CACNA1E: variants seen among roughly 807,000 people sequenced by gnomAD.
CACNA1E encodes calcium voltage-gated channel subunit alpha1 E.
In CACNA1E, 40 loss-of-function variants were observed where a neutral mutation model predicts 259.2. The ratio of observed to expected loss-of-function variants is 0.15; its 90% CI spans 0.12 to 0.20. The LOEUF (loss-of-function observed/expected upper bound fraction) is 0.20. CACNA1E is among the 10% of genes least tolerant of loss of function. The pLI is 1.00. For missense variants in CACNA1E, 1,874 were observed against 3,040.1 expected (o/e 0.62, Z 9.02); for synonymous variants, 1,104 against 1,138.5 (o/e 0.97, Z 0.61).
rs774338072 is a variant in CACNA1E at position 181,776,110 on chromosome 1, C to T, written c.5149C>T (p.Leu1717=). Residue 1717 remains leucine (L), a synonymous_variant, in exon 38 of 48, where the codon CTG becomes TTG. Coordinates refer to ENST00000367573, the MANE Select transcript of CACNA1E (RefSeq NM_001205293.3). The surrounding 1 kb of genome is among the most constrained non-coding windows in gnomAD (Gnocchi z 4.4). ...IFFCSFLMLN[L]FVAVIMDNFE... is the part of the protein sequence containing the mutation. ...TCCCCTTGCCCTTCAGATGCTCAAC[C>T]TGTTTGTGGCCGTCATCATGGACAA... The T allele has an allele frequency of 3.1e-6, 5 of 1,613,474 alleles. No homozygotes were observed. The South Asian group carries it at 4.4e-5, about 14-fold the overall frequency.
At chr1:181,757,768 C>T (rs1658213103) in intron 30 of CACNA1E, among the ~76,000 whole-genome samples, 179 bp from the exon 31 acceptor site, 1 of 152,146 alleles carries the variant, frequency 6.6e-6, no homozygotes, top group Non-Finnish European at 1.5e-5. Flanking sequence ...GTTTTGTGTA[C>T]TCCTTTAAGG....
chr1:181,499,389 T>G (rs1158199316), intron 1 of CACNA1E, among the ~76,000 whole-genome samples: 1 of 152,264 alleles, frequency 6.6e-6, no homozygotes, highest in African/African-American at 2.4e-5. Flanking sequence ...TTTATTTGAT[T>G]ATTCTGATAA....
At chr1:181,674,248 C>T (rs1649127584) in intron 7 of CACNA1E, among the ~76,000 whole-genome samples, 1 of 149,760 alleles carries the variant, frequency 6.7e-6, no homozygotes, top group South Asian at 2.1e-4. Context: ...AAAAAATTAG[C>T]CAGGCATGGC....
intron 1 of CACNA1E, among the ~76,000 whole-genome samples, chr1:181,325,070 C>A (rs185291911): frequency 2.0e-5 from 3 of 152,162 alleles, no homozygotes; most frequent in African/African-American, 7.2e-5. Flanking sequence ...GTCCACTCTG[C>A]GGACTGCTGA....
chr1:181,649,457 C>G (rs1348157580), intron 6 of CACNA1E, among the ~76,000 whole-genome samples: 2 of 151,756 alleles, frequency 1.3e-5, no homozygotes, highest in Non-Finnish European at 2.9e-5. Flanking sequence ...TCAAATACCC[C>G]AAAACAGAAC....
At chr1:181,719,149 G>A (rs1654201524) in intron 12 of CACNA1E, among the ~76,000 whole-genome samples, 1 of 152,166 alleles carries the variant, frequency 6.6e-6, no homozygotes, top group South Asian at 2.1e-4. Flanking sequence ...AGGATTAATA[G>A]TTGTTGTTTC....
At chr1:181,784,491 T>TTCACA (rs1660696988) in intron 40 of CACNA1E, among the ~76,000 whole-genome samples, 170 bp from the exon 41 acceptor site, 1 of 152,228 alleles carries the variant, frequency 6.6e-6, no homozygotes, top group Non-Finnish European at 1.5e-5. Flanking sequence ...AAATGTGTTC[T>TTCACA]GCTTCTTCAG....
At chr1:181,736,466 T>C (rs1202024593) in intron 22 of CACNA1E, 32 bp downstream of exon 22, 28 of 1,594,404 alleles carry the variant, frequency 1.8e-5, no homozygotes, top group Non-Finnish European at 2.4e-5. Context: ...CCCTCTTTAG[T>C]GCTAGGGTAA....
chr1:181,642,623 G>A (rs1371725195), intron 6 of CACNA1E, among the ~76,000 whole-genome samples: 1 of 152,180 alleles, frequency 6.6e-6, no homozygotes, highest in African/African-American at 2.4e-5. Flanking sequence ...TCATCAGCAA[G>A]CCCTGTAGAA....
rs3766994 is a variant in CACNA1E at position 181,712,381 on chromosome 1, T to C, written c.1171+1312T>C. Among the ~76,000 whole-genome samples, 13 of 152,240 alleles carry C rather than the reference T, an allele frequency of 8.5e-5. No individual in the cohort carries two copies. The East Asian group carries it at 2.1e-3, about 25-fold the overall frequency. ...CCTAATAGAAAACATAGCACAAAAG[T>C]GAGGTCACAGAGGAAAAATTTGGAG... On this transcript the variant is annotated intron_variant, in intron 8 of 47. Coordinates refer to ENST00000367573, the MANE Select transcript of CACNA1E (RefSeq NM_001205293.3).
At chr1:181,698,160 G>A (rs903278247) in intron 7 of CACNA1E, among the ~76,000 whole-genome samples, 11 of 152,324 alleles carry the variant, frequency 7.2e-5, no homozygotes, top group African/African-American at 2.6e-4. Context: ...CAGTAACATA[G>A]ACTTTATCAA....
intron 1 of CACNA1E, among the ~76,000 whole-genome samples, chr1:181,350,993 G>C (rs1377285767): frequency 6.6e-6 from 1 of 152,224 alleles, no homozygotes; most frequent in Non-Finnish European, 1.5e-5. Flanking sequence ...ATGGTGGTAA[G>C]TCCTATGAAG....
chr1:181,333,631 C>A (rs184422281), intron 1 of CACNA1E, among the ~76,000 whole-genome samples: 1 of 152,154 alleles, frequency 6.6e-6, no homozygotes, highest in African/African-American at 2.4e-5. Flanking sequence ...GCTTTCTAAT[C>A]CATCATTCCT....
At chr1:181,796,539 G>GA (rs1236716328) in intron 46 of CACNA1E, 129 bp from the exon 47 acceptor site, 9 of 593,912 alleles carry the variant, frequency 1.5e-5, no homozygotes, top group Admixed American at 3.4e-5. Flanking sequence ...TTTGGGGGGG[G>GA]ACACAAACAT....
intron 1 of CACNA1E, among the ~76,000 whole-genome samples, chr1:181,319,255 A>G (rs1571549801): frequency 6.6e-6 from 1 of 152,346 alleles, no homozygotes; most frequent in East Asian, 1.9e-4. Flanking sequence ...AGCTTAATCC[A>G]CAGAGCAGGC....
intron 1 of CACNA1E, among the ~76,000 whole-genome samples, chr1:181,395,303 G>A (rs543031731): frequency 1.2e-4 from 19 of 152,164 alleles, no homozygotes; most frequent in African/African-American, 2.7e-4. Context: ...CAGAGCTGCC[G>A]TCAATTCAGA....
chr1:181,412,302 AG>A (rs1657909680), intron 1 of CACNA1E, among the ~76,000 whole-genome samples: 1 of 152,168 alleles, frequency 6.6e-6, no homozygotes, highest in Non-Finnish European at 1.5e-5. Flanking sequence ...CTGGGCTCAG[AG>A]GCTCATGCCT....
At chr1:181,775,987 C>CTG in intron 37 of CACNA1E, 114 bp from the exon 38 acceptor site, 1 of 934,982 alleles carries the variant, frequency 1.1e-6, no homozygotes, top group Middle Eastern at 2.7e-4. Context: ...CTGCATACCT[C>CTG]TGTTCTGGCT....
chr1:181,611,165 T>C (rs1654717175), intron 6 of CACNA1E, among the ~76,000 whole-genome samples: 1 of 152,182 alleles, frequency 6.6e-6, no homozygotes, highest in Non-Finnish European at 1.5e-5. Context: ...CTGCCAGCCC[T>C]TTTGTCCTTT....
Sources: gnomAD v4.1 joint callset for allele counts (sites outside exome capture counted in the v4.1 genomes callset) on GRCh38, gnomAD v4.1.1 for gene constraint, Gnocchi (gnomAD v3.1) non-coding constraint, MANE v1.5 for transcripts, NCBI Gene and HGNC (gene_info 2026-07-23, HGNC 2026-07-21) for gene names.